Variants in DRD2 observed in about 807,000 individuals in gnomAD.
DRD2 encodes the protein D(2) dopamine receptor.
DRD2 carries 8 observed loss-of-function variants against 38.0 expected under a neutral mutation model. That is an observed-to-expected ratio of 0.21 (90% confidence interval 0.12 to 0.38). The LOEUF is 0.38. Ranked by LOEUF, DRD2 falls within the 10% of genes least tolerant of loss-of-function variation. DRD2 has a pLI of 1.00. For synonymous variants in DRD2, 230 were observed against 238.6 expected (o/e 0.96, Z 0.33); for missense variants, 403 against 607.7 (o/e 0.66, Z 3.54).
Position 113,410,420 on chromosome 11 carries a change from A to G in DRD2, c.*307T>C. 3.9e-6 allele frequency: 2 copies of G among 508,528 alleles called. No individual in the cohort carries two copies. Among genetic ancestry groups the G allele is most frequent in the Middle Eastern group, 5.5e-4 (1 of 1,806 alleles). The allele number at this position is 508,528 out of a possible 1,614,324, so 31.5% of individuals were successfully genotyped here. A position where few individuals can be genotyped will look rare whatever the true frequency, so the allele number is the denominator to read the frequency against. On this transcript the variant is annotated 3_prime_UTR_variant, in exon 8 of 8. Coordinates refer to ENST00000362072, the MANE Select transcript of DRD2 (RefSeq NM_000795.4). ...TAGAGCCCCAGAGGAAGGTCAAGGAAGGCGGCTGCATCTTTGGTGCCAAGG... is the reference window on the plus strand; with the variant it reads ...TAGAGCCCCAGAGGAAGGTCAAGGAGGGCGGCTGCATCTTTGGTGCCAAGG...
chr11:113,456,271 A>G (rs919245489), intron 1 of DRD2, among the ~76,000 whole-genome samples: 28 of 152,194 alleles, frequency 1.8e-4, no homozygotes, highest in Admixed American at 5.9e-4. Flanking sequence ...AATGGTGGTT[A>G]CCAGAGCCTA....
At chr11:113,452,841 G>A (rs901218227) in intron 1 of DRD2, among the ~76,000 whole-genome samples, 5 of 151,500 alleles carry the variant, frequency 3.3e-5, no homozygotes, top group Non-Finnish European at 4.4e-5. Flanking sequence ...TAGTAGAGAC[G>A]GGGTTTCACC....
chr11:113,446,429 A>G (rs1160322431), intron 1 of DRD2, among the ~76,000 whole-genome samples: 1 of 152,232 alleles, frequency 6.6e-6, no homozygotes, highest in East Asian at 1.9e-4. Flanking sequence ...CACACTGTAC[A>G]CACCTTTGTC....
chr11:113,456,354 C>T (rs1473121169), intron 1 of DRD2, among the ~76,000 whole-genome samples: 2 of 152,166 alleles, frequency 1.3e-5, no homozygotes, highest in Non-Finnish European at 2.9e-5. Context: ...TGCATTGCAA[C>T]ATGACTATAG....
chr11:113,444,042 G>C (rs759566109), intron 1 of DRD2, among the ~76,000 whole-genome samples: 1 of 152,122 alleles, frequency 6.6e-6, no homozygotes. Context: ...TGTTGTTGTT[G>C]TTTGTGTTTT....
intron 1 of DRD2, among the ~76,000 whole-genome samples, chr11:113,446,874 C>T (rs1212698465): frequency 2.0e-5 from 3 of 152,158 alleles, no homozygotes; most frequent in Non-Finnish European, 1.5e-5. Context: ...AAGGCATATT[C>T]CCTGTGTTTC....
At chr11:113,438,106 T>C (rs80306928) in intron 1 of DRD2, among the ~76,000 whole-genome samples, 2,321 of 152,250 alleles carry the variant, frequency 0.015, 66 homozygotes, top group African/African-American at 0.053. Flanking sequence ...ATTGAGGCCT[T>C]CCTAAGCAGT....
intron 7 of DRD2, 124 bp downstream of exon 7, chr11:113,412,432 T>C (rs1362924000): frequency 3.3e-6 from 4 of 1,219,444 alleles, no homozygotes; most frequent in Non-Finnish European, 4.7e-6. Context: ...TGTATGTCAA[T>C]GGGCTTGGCC....
chr11:113,412,898 G>T lies in DRD2; in HGVS notation c.811-15C>A. The T allele has an allele frequency of 1.2e-6, 2 of 1,607,508 alleles. No homozygotes were observed. Among genetic ancestry groups the T allele is most frequent in the Non-Finnish European group, 8.5e-7 (1 of 1,178,874 alleles). Reference sequence around the variant, plus strand: ...CGGGCAGCCTCCTGCACCAGAGGCAGAGGGCTCTGGGTAAAGCCGGACAAG... The same window carrying T: ...CGGGCAGCCTCCTGCACCAGAGGCATAGGGCTCTGGGTAAAGCCGGACAAG... On this transcript the variant is annotated splice_polypyrimidine_tract_variant and intron_variant, in intron 6 of 7. Transcript: ENST00000362072.
At chr11:113,467,656 C>T (rs551634539) in intron 1 of DRD2, among the ~76,000 whole-genome samples, 65 of 152,314 alleles carry the variant, frequency 4.3e-4, no homozygotes, top group Non-Finnish European at 7.5e-4. Flanking sequence ...TGTGACACTG[C>T]CAATCAGGGA....
intron 1 of DRD2, among the ~76,000 whole-genome samples, chr11:113,464,033 T>C (rs544873035): frequency 2.0e-5 from 3 of 152,272 alleles, no homozygotes; most frequent in African/African-American, 4.8e-5. Context: ...ACAATGGATG[T>C]CCACAGATCC....
chr11:113,440,970 C>G (rs771621153), intron 1 of DRD2, among the ~76,000 whole-genome samples: 6 of 152,188 alleles, frequency 3.9e-5, no homozygotes, highest in African/African-American at 4.8e-5. Context: ...GATAAATCAG[C>G]CTTTTGATGC....
intron 1 of DRD2, among the ~76,000 whole-genome samples, chr11:113,458,284 T>C (rs921377705): frequency 3.9e-5 from 6 of 152,268 alleles, no homozygotes; most frequent in African/African-American, 1.4e-4. Context: ...TAAATGCTGT[T>C]ATCAGTAATT....
rs374201725 is a variant in DRD2, at chr11:113,424,141, G to A, written c.285+226C>T. Among the ~76,000 whole-genome samples, 21 of 152,324 alleles carry A rather than the reference G, an allele frequency of 1.4e-4. No homozygotes were observed. In the South Asian group the frequency reaches 1.9e-3, roughly 14 times the overall value. ...AAAATGCTATATTTAAAGTCCCTAC[G>A]TGAGGCCCAGCACTTAGTAAGCACT... On this transcript the variant is annotated intron_variant, in intron 2 of 7. Transcript: ENST00000362072.
chr11:113,439,198 C>T (rs1260459179), intron 1 of DRD2, among the ~76,000 whole-genome samples: 1 of 152,146 alleles, frequency 6.6e-6, no homozygotes, highest in Admixed American at 6.5e-5. Flanking sequence ...CATCTGTGAG[C>T]CTTAATGGGC....
intron 5 of DRD2, 80 bp downstream of exon 5, chr11:113,415,341 C>T: frequency 3.3e-6 from 5 of 1,512,298 alleles, no homozygotes; most frequent in Non-Finnish European, 3.6e-6. Flanking sequence ...TTTCCCAAGC[C>T]CCCACCTGAG....
chr11:113,452,024 A>G (rs1951214226), intron 1 of DRD2, among the ~76,000 whole-genome samples: 1 of 151,912 alleles, frequency 6.6e-6, no homozygotes, highest in Admixed American at 6.6e-5. Flanking sequence ...CAACACATTC[A>G]ACTCACACCC....
chr11:113,414,858 A>G (rs1278729487), intron 5 of DRD2, among the ~76,000 whole-genome samples: 1 of 152,214 alleles, frequency 6.6e-6, no homozygotes, highest in Non-Finnish European at 1.5e-5. Context: ...CAGTGACAGG[A>G]TCTGAACCTG....
At chr11:113,438,646 A>G (rs1314549590) in intron 1 of DRD2, among the ~76,000 whole-genome samples, 6 of 152,192 alleles carry the variant, frequency 3.9e-5, no homozygotes, top group Non-Finnish European at 8.8e-5. Flanking sequence ...GACCTTGGTT[A>G]AAGTCCTTTT....
Sources: allele counts gnomAD v4.1 joint callset (sites outside exome capture counted in the v4.1 genomes callset), GRCh38; gene constraint gnomAD v4.1.1; transcripts MANE v1.5; gene names NCBI Gene and HGNC (gene_info 2026-07-23, HGNC 2026-07-21).